PLCB1: variants seen among roughly 807,000 people sequenced by gnomAD.
The protein encoded by PLCB1 is phospholipase C beta 1, also known as 1-phosphatidylinositol 4,5-bisphosphate phosphodiesterase beta-1.
A neutral mutation model predicts 161.8 loss-of-function variants in PLCB1; 46 were observed. That is an observed-to-expected ratio of 0.28 (90% CI 0.22 to 0.36). PLCB1 has a LOEUF of 0.36. Ranked by LOEUF, PLCB1 falls within the 10% of genes least tolerant of loss-of-function variation. The pLI, the probability that PLCB1 is intolerant of heterozygous loss-of-function variation, is 1.00. For missense variants in PLCB1, 1,016 were observed against 1,472.5 expected (o/e 0.69, Z 5.07); for synonymous variants, 517 against 503.7 (o/e 1.03, Z -0.35).
chr20:8,242,558 A>AT (rs1176264034), intron 2 of PLCB1, among the ~76,000 whole-genome samples: 1 of 151,946 alleles, frequency 6.6e-6, no homozygotes, highest in Non-Finnish European at 1.5e-5. Context: ...TGTTTGATAT[A>AT]TGGCAAGTTG....
intron 25 of PLCB1, among the ~76,000 whole-genome samples, chr20:8,764,482 CT>C (rs1405629569): frequency 1.3e-5 from 2 of 152,044 alleles, no homozygotes; most frequent in East Asian, 3.9e-4. Flanking sequence ...TATTATAATC[CT>C]TATAGCAATG....
intron 31 of PLCB1, among the ~76,000 whole-genome samples, chr20:8,867,816 C>T (rs975270038): frequency 2.6e-5 from 4 of 152,160 alleles, no homozygotes; most frequent in African/African-American, 9.7e-5. Context: ...TACCAGATCT[C>T]ATTCACAGAT....
At chr20:8,470,839 A>C (rs2022645) in intron 3 of PLCB1, among the ~76,000 whole-genome samples, 107,360 of 152,024 alleles carry the variant, frequency 0.71, 38,194 homozygotes, top group Admixed American at 0.77. Flanking sequence ...AAATTTGAAT[A>C]ACTTTTTTGT....
At chr20:8,673,162 A>G (rs981926773) in intron 9 of PLCB1, among the ~76,000 whole-genome samples, 1 of 151,174 alleles carries the variant, frequency 6.6e-6, no homozygotes, top group Admixed American at 6.6e-5. Flanking sequence ...ATAAAGTCAC[A>G]TTCATGAACT....
chr20:8,408,445 A>G (rs1236519385), intron 3 of PLCB1, among the ~76,000 whole-genome samples: 1 of 152,046 alleles, frequency 6.6e-6, no homozygotes, highest in Non-Finnish European at 1.5e-5. Flanking sequence ...AAGAAAGAAA[A>G]GGAAAGAAAG....
intron 2 of PLCB1, among the ~76,000 whole-genome samples, chr20:8,248,349 CA>C: frequency 6.6e-6 from 1 of 151,948 alleles, no homozygotes; most frequent in African/African-American, 2.4e-5. Flanking sequence ...GTTGCAGTAG[CA>C]AAAGAGAAAT....
intron 3 of PLCB1, among the ~76,000 whole-genome samples, chr20:8,428,638 G>A (rs1466516936): frequency 6.6e-6 from 1 of 152,226 alleles, no homozygotes; most frequent in Non-Finnish European, 1.5e-5. Context: ...CCCATCCCAA[G>A]AGAACGACGA....
At chr20:8,829,114 C>G (rs1192936531) in intron 31 of PLCB1, among the ~76,000 whole-genome samples, 1 of 152,178 alleles carries the variant, frequency 6.6e-6, no homozygotes. Context: ...AAAATGATTT[C>G]AACTCTTCTA....
intron 2 of PLCB1, among the ~76,000 whole-genome samples, chr20:8,367,167 A>G (rs966872648): frequency 5.9e-5 from 9 of 152,238 alleles, no homozygotes; most frequent in Non-Finnish European, 8.8e-5. Flanking sequence ...AGTAAGTGTA[A>G]TATTTTTATT....
intron 3 of PLCB1, among the ~76,000 whole-genome samples, chr20:8,494,965 TCTTTTCCC>T (rs1323543049): frequency 1.3e-5 from 2 of 152,136 alleles, no homozygotes; most frequent in African/African-American, 4.8e-5. Context: ...GAATATATGT[TCTTTTCCC>T]CTTTTCCCCT....
At chr20:8,743,371 A>G (rs1273462093) in intron 23 of PLCB1, among the ~76,000 whole-genome samples, 1 of 151,850 alleles carries the variant, frequency 6.6e-6, no homozygotes, top group Non-Finnish European at 1.5e-5. Context: ...ATTGATTTGC[A>G]TATGTTGAAC....
chr20:8,537,173 T>C (rs919594152), intron 3 of PLCB1, among the ~76,000 whole-genome samples: 2 of 152,070 alleles, frequency 1.3e-5, no homozygotes, highest in Non-Finnish European at 2.9e-5. Flanking sequence ...GAAAGTTTAT[T>C]AAAAAGCTTT....
At chr20:8,324,786 T>C (rs1258829215) in intron 2 of PLCB1, among the ~76,000 whole-genome samples, 4 of 152,226 alleles carry the variant, frequency 2.6e-5, no homozygotes, top group Non-Finnish European at 5.9e-5. Context: ...CATCTCTACC[T>C]ATTTCCAAAG....
chr20:8,510,469 T>G (rs1165820416), intron 3 of PLCB1, among the ~76,000 whole-genome samples: 1 of 148,954 alleles, frequency 6.7e-6, no homozygotes, highest in African/African-American at 2.5e-5. Flanking sequence ...CACTGCAACC[T>G]CTGCCTCCCA....
chr20:8,674,036 A>G (rs1434708021), intron 9 of PLCB1, among the ~76,000 whole-genome samples: 1 of 152,150 alleles, frequency 6.6e-6, no homozygotes, highest in Admixed American at 6.5e-5. Context: ...CTTGGTATAA[A>G]TACTCCAGCT....
intron 2 of PLCB1, among the ~76,000 whole-genome samples, chr20:8,168,985 T>G (rs1413802196): frequency 1.3e-5 from 2 of 152,012 alleles, no homozygotes; most frequent in African/African-American, 4.8e-5. Context: ...CAAGGAAAAG[T>G]TTGGTAGATT....
intron 2 of PLCB1, among the ~76,000 whole-genome samples, chr20:8,272,120 C>T (rs1043129682): frequency 1.3e-5 from 2 of 151,902 alleles, no homozygotes; most frequent in Non-Finnish European, 2.9e-5. Context: ...AAAAGAAGAG[C>T]TTAGATATGG....
At chr20:8,726,440 A>G (rs955534616) in intron 16 of PLCB1, among the ~76,000 whole-genome samples, 2 of 152,068 alleles carry the variant, frequency 1.3e-5, no homozygotes, top group African/African-American at 4.8e-5. Context: ...AGACTGGGTA[A>G]TTTGTAAAGA....
intron 4 of PLCB1, among the ~76,000 whole-genome samples, chr20:8,638,507 C>G (rs1046701496): frequency 3.3e-5 from 5 of 151,968 alleles, no homozygotes; most frequent in African/African-American, 1.2e-4. Flanking sequence ...CACGCACACA[C>G]GCACACACAC....
Sources: allele counts gnomAD v4.1 joint callset (sites outside exome capture counted in the v4.1 genomes callset), GRCh38; gene constraint gnomAD v4.1.1; transcripts MANE v1.5; gene names NCBI Gene and HGNC (gene_info 2026-07-23, HGNC 2026-07-21).